LANCL2: variants seen among roughly 807,000 people sequenced by gnomAD.
LANCL2 encodes the protein LanC like glutathione S-transferase 2, also known as lanC-like protein 2.
LANCL2 carries 33 observed loss-of-function variants against 56.9 expected under a neutral mutation model. The ratio of observed to expected loss-of-function variants is 0.58; its 90% confidence interval spans 0.44 to 0.78. The LOEUF (loss-of-function observed/expected upper bound fraction) is 0.78. Among genes scored for constraint, LANCL2 ranks in the 30% least tolerant of loss-of-function variants. The pLI, the probability that LANCL2 is intolerant of heterozygous loss-of-function variation, is 0.00. For synonymous variants in LANCL2, 233 were observed against 228.2 expected (o/e 1.02, Z -0.19); for missense variants, 562 against 580.2 (o/e 0.97, Z 0.32).
intron 8 of LANCL2, among the ~76,000 whole-genome samples, chr7:55,429,303 C>A (rs1790702383): frequency 6.6e-6 from 1 of 152,134 alleles, no homozygotes; most frequent in African/African-American, 2.4e-5. Context: ...ACTTCTAGGT[C>A]TGGAGATTTA....
chr7:55,432,726 A>G lies in LANCL2; in HGVS notation c.*1406A>G, dbSNP rs1181765959. ...AAGCTTCCTTTTTACTTGTGTGGTT[A>G]TGTGTGGGGCTGGCACCCGAAATGT... On this transcript the variant is annotated 3_prime_UTR_variant, in exon 9 of 9. Transcript: ENST00000254770. 1 of 152,250 alleles carries G rather than the reference A, an allele frequency of 6.6e-6. No homozygotes were observed. The highest frequency in any genetic ancestry group is 1.5e-5 in the Non-Finnish European group (1 of 68,052). The allele number at this position is 152,250 out of a possible 1,614,324, so 9.4% of individuals were successfully genotyped here.
intron 5 of LANCL2, among the ~76,000 whole-genome samples, chr7:55,409,814 A>G (rs1196769971): frequency 1.3e-5 from 2 of 152,262 alleles, no homozygotes; most frequent in African/African-American, 4.8e-5. Flanking sequence ...ACTGGTTTAA[A>G]GAAAACTAAG....
chr7:55,427,610 A>G (rs1158371387), intron 7 of LANCL2, among the ~76,000 whole-genome samples: 1 of 152,214 alleles, frequency 6.6e-6, no homozygotes, highest in East Asian at 1.9e-4. Flanking sequence ...TGACTCGGAA[A>G]ACTGGGTAGA....
chr7:55,401,431 G>A (rs558487017), intron 5 of LANCL2, 111 bp downstream of exon 5: 12 of 814,410 alleles, frequency 1.5e-5, no homozygotes, highest in Non-Finnish European at 2.0e-5. Context: ...ACTTTGAATC[G>A]CTGATGCGTA....
At chr7:55,400,717 C>T (rs1790311565) in intron 4 of LANCL2, among the ~76,000 whole-genome samples, 1 of 152,218 alleles carries the variant, frequency 6.6e-6, no homozygotes, top group South Asian at 2.1e-4. Flanking sequence ...TCATCCCAGA[C>T]ATGATATTCT....
intron 6 of LANCL2, among the ~76,000 whole-genome samples, chr7:55,421,362 G>A (rs1790606732): frequency 9.7e-6 from 1 of 103,526 alleles, no homozygotes; most frequent in African/African-American, 3.7e-5. Flanking sequence ...TTTTTGAGAT[G>A]GAGTGTCGCT....
intron 1 of LANCL2, among the ~76,000 whole-genome samples, chr7:55,379,158 CAAA>C (rs1362443142): frequency 4.0e-4 from 26 of 65,008 alleles, no homozygotes; most frequent in Middle Eastern, 0.013. Flanking sequence ...TCAAAAAACA[CAAA>C]ACAAAACAAA....
rs1019157805 is a variant in LANCL2, at chr7:55,432,945, A to G, written c.*1625A>G. 6.6e-6 allele frequency: 1 copy of G among 152,262 alleles called. No homozygotes were observed. 9.4% of individuals were successfully genotyped at this position (152,262 alleles called of 1,614,324 possible). A position where few individuals can be genotyped will look rare whatever the true frequency, so the allele number is the denominator to read the frequency against. Reference sequence around the variant, plus strand: ...CCAGCAGCCCACACCTGCAGGCAGGATGCTGTCGTCAATGAGCTGAGGGTA... The same window carrying G: ...CCAGCAGCCCACACCTGCAGGCAGGGTGCTGTCGTCAATGAGCTGAGGGTA... On this transcript the variant is annotated 3_prime_UTR_variant, in exon 9 of 9. Transcript: ENST00000254770.
intron 5 of LANCL2, among the ~76,000 whole-genome samples, chr7:55,402,274 C>A (rs1266623112): frequency 2.1e-5 from 2 of 95,626 alleles, no homozygotes; most frequent in Non-Finnish European, 4.5e-5. Context: ...CCCTCCCGGA[C>A]GGGGCGGCTG....
chr7:55,402,735 G>A lies in LANCL2; in HGVS notation c.825+1415G>A, dbSNP rs1313595128. On this transcript the variant is annotated intron_variant, in intron 5 of 8. Coordinates refer to ENST00000254770, the MANE Select transcript of LANCL2 (RefSeq NM_018697.4). The stretch of plus-strand genomic sequence containing the variant: ...CTCCCTCCCAGACGGGGTGGCTGCC[G>A]GGCGGAGACGCTCCTCACTTCTCAG... 1.4e-4 allele frequency among the ~76,000 whole-genome samples: 18 copies of A among 124,906 alleles called. 1 individual carries two copies. Among genetic ancestry groups the A allele is most frequent in the Non-Finnish European group, 2.0e-4 (11 of 56,192 alleles). 81.9% of individuals were successfully genotyped at this position (124,906 alleles called of 152,430 possible).
At chr7:55,406,388 G>A (rs1790407298) in intron 5 of LANCL2, among the ~76,000 whole-genome samples, 1 of 152,010 alleles carries the variant, frequency 6.6e-6, no homozygotes, top group Admixed American at 6.5e-5. Context: ...CACAGAAGAT[G>A]GGGGAGCAGT....
intron 1 of LANCL2, among the ~76,000 whole-genome samples, chr7:55,386,577 GGGCACA>G (rs1222914276): frequency 6.6e-6 from 1 of 152,178 alleles, no homozygotes; most frequent in Non-Finnish European, 1.5e-5. Context: ...GTCGTAAGTT[GGGCACA>G]GGAGGGCTAC....
intron 1 of LANCL2, among the ~76,000 whole-genome samples, chr7:55,367,745 C>A (rs748386261): frequency 9.2e-5 from 14 of 152,100 alleles, no homozygotes; most frequent in Admixed American, 2.0e-4. Flanking sequence ...AGCAAGCAAA[C>A]CTGTGGGAAC....
chr7:55,398,273 A>G, intron 2 of LANCL2, 150 bp from the exon 3 acceptor site: 1 of 619,802 alleles, frequency 1.6e-6, no homozygotes, highest in Admixed American at 3.0e-5. Flanking sequence ...TTCATTTTTA[A>G]GAAATATATG....
intron 6 of LANCL2, among the ~76,000 whole-genome samples, chr7:55,414,701 C>T (rs1790506701): frequency 6.6e-6 from 1 of 151,910 alleles, no homozygotes. Context: ...AAGGTTTGGC[C>T]AGACACTGTG....
chr7:55,373,363 T>C (rs1384723991), intron 1 of LANCL2, among the ~76,000 whole-genome samples: 2 of 152,050 alleles, frequency 1.3e-5, no homozygotes, highest in Non-Finnish European at 2.9e-5. Flanking sequence ...CAATCATAGC[T>C]CACTGCAGCC....
intron 1 of LANCL2, among the ~76,000 whole-genome samples, chr7:55,372,408 ACCT>A (rs1228397567): frequency 1.3e-5 from 2 of 152,032 alleles, no homozygotes; most frequent in African/African-American, 4.8e-5. Context: ...TGGTTTTCTT[ACCT>A]CATCAACTTG....
chr7:55,388,803 C>T (rs771884510), intron 1 of LANCL2, among the ~76,000 whole-genome samples: 2 of 152,194 alleles, frequency 1.3e-5, no homozygotes, highest in Non-Finnish European at 2.9e-5. Context: ...GGGATTCTGT[C>T]CTGGGAGCCC....
intron 1 of LANCL2, among the ~76,000 whole-genome samples, chr7:55,380,835 T>C (rs1475485436): frequency 6.6e-6 from 1 of 150,994 alleles, no homozygotes; most frequent in Non-Finnish European, 1.5e-5. Flanking sequence ...CTATAGAGTA[T>C]GTTACAGTGC....
Sources: gnomAD v4.1 joint callset for allele counts (sites outside exome capture counted in the v4.1 genomes callset) on GRCh38, gnomAD v4.1.1 for gene constraint, MANE v1.5 for transcripts, NCBI Gene and HGNC (gene_info 2026-07-23, HGNC 2026-07-21) for gene names.